The following APP variants were observed in gnomAD, a reference collection of about 807,000 sequenced individuals.
APP encodes amyloid-beta precursor protein.
In APP, 31 loss-of-function variants were observed where a neutral mutation model predicts 101.4. The observed-to-expected ratio is 0.31, with a 90% CI of 0.23 to 0.41. The LOEUF is 0.41. Among genes scored for constraint, APP ranks in the 10% least tolerant of loss-of-function variants. APP has a pLI of 1.00. For missense variants in APP, 839 were observed against 1,003.7 expected, an observed-to-expected ratio of 0.84 and a Z score of 2.22; for synonymous variants, 366 against 364.4, an observed-to-expected ratio of 1.00 and a Z score of -0.05.
At chr21:25,890,062 T>C (rs1196399503) in intron 17 of APP, among the ~76,000 whole-genome samples, 1 of 152,178 alleles carries the variant, frequency 6.6e-6, no homozygotes, top group Non-Finnish European at 1.5e-5. Flanking sequence ...TTGAGGGACA[T>C]AAGCTTAGAT....
intron 1 of APP, among the ~76,000 whole-genome samples, chr21:26,162,672 C>T (rs2063515904): frequency 6.6e-6 from 1 of 151,416 alleles, no homozygotes; most frequent in South Asian, 2.1e-4. Context: ...TGAAATTTAG[C>T]AAAGCAGCAA....
intron 8 of APP, among the ~76,000 whole-genome samples, chr21:25,991,846 T>G (rs1318433770): frequency 6.6e-6 from 1 of 152,258 alleles, no homozygotes; most frequent in Non-Finnish European, 1.5e-5. Flanking sequence ...TGAAAAATAT[T>G]TGCTGACCAC....
At chr21:26,166,801 C>G (rs465984) in intron 1 of APP, among the ~76,000 whole-genome samples, 5 of 151,970 alleles carry the variant, frequency 3.3e-5, no homozygotes, top group Non-Finnish European at 5.9e-5. Flanking sequence ...TTACCTTTGA[C>G]CTCTCAACTC....
chr21:26,097,308 A>G (rs2061964434), intron 2 of APP, among the ~76,000 whole-genome samples: 2 of 152,144 alleles, frequency 1.3e-5, no homozygotes, highest in South Asian at 4.1e-4. Context: ...GAAGGCAGGG[A>G]CAATATGATT....
intron 9 of APP, among the ~76,000 whole-genome samples, chr21:25,977,711 A>T (rs1340659782): frequency 6.6e-6 from 1 of 152,248 alleles, no homozygotes; most frequent in African/African-American, 2.4e-5. Flanking sequence ...CATATCAAAA[A>T]TAATCTCAAG....
intron 5 of APP, among the ~76,000 whole-genome samples, chr21:26,048,511 A>G (rs2045705205): frequency 2.6e-5 from 4 of 152,178 alleles, no homozygotes; most frequent in African/African-American, 9.7e-5. Flanking sequence ...TGGGCTGGAT[A>G]AGCTTTCTAC....
intron 1 of APP, among the ~76,000 whole-genome samples, chr21:26,128,540 G>C (rs541160903): frequency 5.8e-4 from 88 of 152,192 alleles, no homozygotes; most frequent in African/African-American, 2.0e-3. Context: ...ACTCAAAATG[G>C]CCCAGTGAGG....
At chr21:26,058,222 G>T (rs1887656815) in intron 3 of APP, among the ~76,000 whole-genome samples, 1 of 152,210 alleles carries the variant, frequency 6.6e-6, no homozygotes, top group Non-Finnish European at 1.5e-5. Context: ...AGACAAAGGT[G>T]AAAGGTTTTC....
chr21:26,111,627 C>G (rs1174626146), intron 2 of APP, among the ~76,000 whole-genome samples: 1 of 151,970 alleles, frequency 6.6e-6, no homozygotes, highest in East Asian at 1.9e-4. Context: ...AGTCCAGCTA[C>G]TTGGGAGGCT....
intron 14 of APP, among the ~76,000 whole-genome samples, chr21:25,908,003 T>C (rs1173843697): frequency 6.6e-6 from 1 of 152,250 alleles, no homozygotes; most frequent in Non-Finnish European, 1.5e-5. Flanking sequence ...ATCTACATAT[T>C]ATATCTAGGT....
At chr21:26,121,889 G>C (rs1176203609) in intron 1 of APP, among the ~76,000 whole-genome samples, 4 of 152,056 alleles carry the variant, frequency 2.6e-5, no homozygotes, top group African/African-American at 9.7e-5. Context: ...TCGGAACGTA[G>C]AGCATGGGCA....
intron 1 of APP, among the ~76,000 whole-genome samples, chr21:26,113,273 T>C (rs1268638026): frequency 2.6e-5 from 4 of 152,190 alleles, no homozygotes; most frequent in Non-Finnish European, 5.9e-5. Flanking sequence ...CCACGATAAC[T>C]TGTATCATTC....
At chr21:25,956,256 A>C (rs1438325716) in intron 11 of APP, among the ~76,000 whole-genome samples, 1 of 152,220 alleles carries the variant, frequency 6.6e-6, no homozygotes, top group African/African-American at 2.4e-5. Context: ...GAGTAACTGA[A>C]CTGTAAGAGA....
intron 3 of APP, chr21:26,089,655 T>C (rs2146110712): frequency 3.6e-6 from 1 of 277,392 alleles, no homozygotes; most frequent in South Asian, 5.9e-5. Context: ...AATTCCCGGA[T>C]CCGCTACTAT....
At chr21:26,118,063 C>G (rs1297880875) in intron 1 of APP, among the ~76,000 whole-genome samples, 2 of 152,076 alleles carry the variant, frequency 1.3e-5, no homozygotes, top group African/African-American at 2.4e-5. Context: ...AACCTAATAC[C>G]AAGCTTTTTT....
chr21:26,038,561 C>T (rs1478006553), intron 5 of APP, among the ~76,000 whole-genome samples: 1 of 152,106 alleles, frequency 6.6e-6, no homozygotes, highest in African/African-American at 2.4e-5. Context: ...GTCAGGAGTT[C>T]GAGACCAGTC....
At chr21:25,963,816 G>T (rs1398492339) in intron 11 of APP, among the ~76,000 whole-genome samples, 1 of 152,170 alleles carries the variant, frequency 6.6e-6, no homozygotes, top group Non-Finnish European at 1.5e-5. Context: ...AATGCCAGGA[G>T]TTGAGCTGAA....
intron 1 of APP, among the ~76,000 whole-genome samples, chr21:26,137,138 G>T (rs1415129919): frequency 6.6e-6 from 1 of 152,150 alleles, no homozygotes; most frequent in Non-Finnish European, 1.5e-5. Flanking sequence ...GACAGCATTT[G>T]GCCATGTTGC....
intron 2 of APP, among the ~76,000 whole-genome samples, chr21:26,107,730 C>A (rs1341559051): frequency 6.6e-6 from 1 of 152,090 alleles, no homozygotes; most frequent in East Asian, 1.9e-4. Context: ...CCCTTTGTGA[C>A]CCTTTGTGAA....
Sources: gnomAD v4.1 joint callset for allele counts (sites outside exome capture counted in the v4.1 genomes callset) on GRCh38, gnomAD v4.1.1 for gene constraint, MANE v1.5 for transcripts, NCBI Gene and HGNC (gene_info 2026-07-23, HGNC 2026-07-21) for gene names.